The following NTM variants were observed in gnomAD, a reference collection of about 807,000 sequenced individuals.
The protein encoded by NTM is IgLON family member 2.
NTM carries 13 observed loss-of-function variants against 42.1 expected under a neutral mutation model. The ratio of observed to expected loss-of-function variants is 0.31; its 90% CI spans 0.20 to 0.49. NTM has a LOEUF of 0.49. Ranked by LOEUF, NTM falls within the 20% of genes least tolerant of loss-of-function variation. The pLI, the probability that NTM is intolerant of heterozygous loss-of-function variation, is 0.99. For missense variants in NTM, 373 were observed against 452.8 expected, an observed-to-expected ratio of 0.82 and a Z score of 1.60; for synonymous variants, 187 against 179.2, an observed-to-expected ratio of 1.04 and a Z score of -0.35.
Position 132,293,417 on chromosome 11 carries a change from C to G in NTM, c.527-14272C>G, listed in dbSNP as rs1337824399. 2.6e-5 allele frequency among the ~76,000 whole-genome samples: 4 copies of G among 152,126 alleles called. 1 individual carries two copies. Among genetic ancestry groups the G allele is most frequent in the African/African-American group, 4.8e-5 (2 of 41,428 alleles). ...CCTGAGTATGAGAGTGAGGTGGAGG[C>G]ATCTCTCCAAGAATTGGATGCTGTC... On this transcript the variant is annotated intron_variant, in intron 4 of 8. Transcript: ENST00000683400.
At chr11:131,452,848 G>A (rs987431473) in intron 1 of NTM, among the ~76,000 whole-genome samples, 4 of 152,176 alleles carry the variant, frequency 2.6e-5, no homozygotes, top group African/African-American at 4.8e-5. Context: ...GATGACTGAG[G>A]CTGCTACTTT....
chr11:132,009,255 A>G (rs1187656525), intron 2 of NTM, among the ~76,000 whole-genome samples: 3 of 152,122 alleles, frequency 2.0e-5, no homozygotes, highest in African/African-American at 4.8e-5. Flanking sequence ...AATTCCTGCC[A>G]CCCAGGGAAG....
chr11:131,874,386 T>C (rs2048288432), intron 1 of NTM, among the ~76,000 whole-genome samples: 1 of 151,952 alleles, frequency 6.6e-6, no homozygotes, highest in Admixed American at 6.6e-5. Context: ...TTTTTTTCAA[T>C]TGTTTTTAAA....
At chr11:131,481,060 G>T (rs1338380150) in intron 1 of NTM, among the ~76,000 whole-genome samples, 1 of 152,132 alleles carries the variant, frequency 6.6e-6, no homozygotes, top group Non-Finnish European at 1.5e-5. Context: ...AGCAATGCTT[G>T]AGTGAAGAAA....
chr11:131,538,921 CTTTTTT>C (rs58463755), intron 1 of NTM, among the ~76,000 whole-genome samples: 1 of 102,390 alleles, frequency 9.8e-6, no homozygotes, highest in Non-Finnish European at 1.9e-5. Context: ...GTTAACTTAG[CTTTTTT>C]TTTTTTTTTT....
rs71067345 is a variant in NTM, at chr11:131,896,679, C to CTTTT, written c.83-14865_83-14862dup. ...CATGCCAAATGGAGTACATTTTAGG[C>CTTTT]TTTTTTTTTTTTTTTTTTTTTTTCT... On this transcript the variant is annotated intron_variant, in intron 1 of 8. Coordinates refer to ENST00000683400, the MANE Select transcript of NTM (RefSeq NM_001352005.2). Among the ~76,000 whole-genome samples, 46 of 100,604 alleles carry CTTTT rather than the reference C, an allele frequency of 4.6e-4. 1 individual carries two copies. The highest frequency in any genetic ancestry group is 6.3e-4 in the Non-Finnish European group (33 of 52,040). 66.0% of individuals were successfully genotyped at this position (100,604 alleles called of 152,430 possible).
intron 2 of NTM, among the ~76,000 whole-genome samples, chr11:132,123,520 G>A (rs770619667): frequency 5.3e-5 from 8 of 152,180 alleles, no homozygotes; most frequent in Non-Finnish European, 1.2e-4. Flanking sequence ...CAAGCTTTGA[G>A]TACCAGGAAG....
At chr11:131,513,198 G>C (rs1282501002) in intron 1 of NTM, among the ~76,000 whole-genome samples, 1 of 152,202 alleles carries the variant, frequency 6.6e-6, no homozygotes, top group African/African-American at 2.4e-5. Flanking sequence ...AGTGCAAAGT[G>C]AGATCAATTC....
intron 1 of NTM, among the ~76,000 whole-genome samples, chr11:131,654,819 C>T (rs1166229434): frequency 6.6e-6 from 1 of 152,222 alleles, no homozygotes; most frequent in Non-Finnish European, 1.5e-5. Context: ...TCACCAGAAG[C>T]TGGCATTGGA....
intron 4 of NTM, among the ~76,000 whole-genome samples, chr11:132,273,515 G>T (rs1268248756): frequency 6.6e-6 from 1 of 151,868 alleles, no homozygotes; most frequent in Non-Finnish European, 1.5e-5. Flanking sequence ...CAAATATTTT[G>T]TGACTTTACC....
chr11:132,197,885 A>G (rs1268198312), intron 3 of NTM, among the ~76,000 whole-genome samples: 1 of 151,756 alleles, frequency 6.6e-6, no homozygotes, highest in Non-Finnish European at 1.5e-5. Flanking sequence ...CATTTTCTTC[A>G]TCCAGTCTAT....
At chr11:131,937,141 T>C (rs552043617) in intron 2 of NTM, among the ~76,000 whole-genome samples, 1 of 152,350 alleles carries the variant, frequency 6.6e-6, no homozygotes, top group East Asian at 1.9e-4. Context: ...TCTACTCTTT[T>C]ATTTCTGCAG....
At chr11:131,993,357 A>G (rs561846079) in intron 2 of NTM, among the ~76,000 whole-genome samples, 32 of 152,266 alleles carry the variant, frequency 2.1e-4, no homozygotes, top group East Asian at 7.8e-4. Flanking sequence ...TCTGAAGGAC[A>G]AGGAATGCAT....
intron 2 of NTM, among the ~76,000 whole-genome samples, chr11:132,014,354 G>A (rs558364239): frequency 1.3e-5 from 2 of 152,138 alleles, no homozygotes; most frequent in Admixed American, 1.3e-4. Flanking sequence ...CGGTAAATGC[G>A]GGTGCACAGC....
intron 1 of NTM, among the ~76,000 whole-genome samples, chr11:131,806,832 G>A (rs1044353322): frequency 1.3e-5 from 2 of 152,192 alleles, no homozygotes; most frequent in Admixed American, 6.5e-5. Context: ...AAGCAGTGCA[G>A]GATTACAAGA....
At chr11:132,059,492 A>G (rs1300108672) in intron 2 of NTM, among the ~76,000 whole-genome samples, 1 of 152,216 alleles carries the variant, frequency 6.6e-6, no homozygotes, top group Non-Finnish European at 1.5e-5. Flanking sequence ...TTGTATTTTG[A>G]AATGAAGAAA....
chr11:132,072,573 T>G (rs1200910255), intron 2 of NTM, among the ~76,000 whole-genome samples: 1 of 152,168 alleles, frequency 6.6e-6, no homozygotes, highest in Non-Finnish European at 1.5e-5. Context: ...AAATACTAAG[T>G]GGAGATGTGA....
Position 131,932,659 on chromosome 11 carries a change from A to T in NTM, c.167+21011A>T, listed in dbSNP as rs201776546. Among the ~76,000 whole-genome samples, 9 of 152,324 alleles carry T rather than the reference A, an allele frequency of 5.9e-5. No homozygotes were observed. The East Asian group carries it at 1.5e-3, about 26-fold the overall frequency. On this transcript the variant is annotated intron_variant, in intron 2 of 8. Transcript: ENST00000683400. ...ATCAGCAGACAAGGAATAGGAGATG[A>T]TGCTGATGGTGGTGATGATTTATAC... is the stretch of plus-strand genomic sequence containing the variant.
chr11:131,842,999 G>A (rs1041731088), intron 1 of NTM, among the ~76,000 whole-genome samples: 1 of 151,874 alleles, frequency 6.6e-6, no homozygotes, highest in Non-Finnish European at 1.5e-5. Flanking sequence ...GATAAAGCAA[G>A]ACTTTGTCTC....
Sources: allele counts gnomAD v4.1 joint callset (sites outside exome capture counted in the v4.1 genomes callset), GRCh38; gene constraint gnomAD v4.1.1; transcripts MANE v1.5; gene names NCBI Gene and HGNC (gene_info 2026-07-23, HGNC 2026-07-21).